The following MAN1A2 variants were observed in gnomAD, a reference collection of about 807,000 sequenced individuals.
The protein encoded by MAN1A2 is mannosidase alpha class 1A member 2.
A neutral mutation model predicts 75.7 loss-of-function variants in MAN1A2; 26 were observed. That is an observed-to-expected ratio of 0.34 (90% CI 0.25 to 0.48). The LOEUF (loss-of-function observed/expected upper bound fraction) is 0.48, where lower values mean the gene tolerates loss of function less well. MAN1A2 is among the 20% of genes least tolerant of loss of function. MAN1A2 has a pLI of 0.99. For synonymous variants in MAN1A2, 247 were observed against 264.6 expected (o/e 0.93, Z 0.65); for missense variants, 562 against 775.5 (o/e 0.72, Z 3.27).
chr1:117,383,185 TA>T (rs1239182280), intron 1 of MAN1A2, among the ~76,000 whole-genome samples: 2 of 152,170 alleles, frequency 1.3e-5, no homozygotes, highest in Admixed American at 6.5e-5. Context: ...AAATGCCCTT[TA>T]TCATGTTGAG....
chr1:117,426,801 T>C (rs1366320913), intron 5 of MAN1A2, among the ~76,000 whole-genome samples: 1 of 152,190 alleles, frequency 6.6e-6, no homozygotes, highest in African/African-American at 2.4e-5. Context: ...TGACCATCTG[T>C]ATTTTTTCTT....
chr1:117,442,481 G>A (rs1649068398), intron 6 of MAN1A2, among the ~76,000 whole-genome samples, 156 bp downstream of exon 6: 1 of 151,926 alleles, frequency 6.6e-6, no homozygotes, highest in African/African-American at 2.4e-5. Flanking sequence ...GCATAAATGT[G>A]TTTCTTTAAA....
At chr1:117,512,661 G>T (rs1444264450) in intron 12 of MAN1A2, among the ~76,000 whole-genome samples, 2 of 151,222 alleles carry the variant, frequency 1.3e-5, no homozygotes, top group Non-Finnish European at 2.9e-5. Context: ...CTTCAAATAG[G>T]TATACTGGAA....
chr1:117,474,275 C>T (rs1199525401), intron 8 of MAN1A2, among the ~76,000 whole-genome samples: 1 of 151,960 alleles, frequency 6.6e-6, no homozygotes, highest in Non-Finnish European at 1.5e-5. Flanking sequence ...ACCTACTTTT[C>T]CCATTTACAT....
At chr1:117,504,030 A>G (rs1429878142) in intron 12 of MAN1A2, among the ~76,000 whole-genome samples, 2 of 150,990 alleles carry the variant, frequency 1.3e-5, no homozygotes, top group Non-Finnish European at 3.0e-5. Flanking sequence ...CATTTCTACA[A>G]TTTACCCTAA....
intron 8 of MAN1A2, among the ~76,000 whole-genome samples, chr1:117,483,495 G>A (rs1191586273): frequency 6.6e-6 from 1 of 152,016 alleles, no homozygotes; most frequent in African/African-American, 2.4e-5. Flanking sequence ...TATTCTCTTT[G>A]TAGCAGTTGC....
chr1:117,403,492 C>A (rs1557936159), intron 2 of MAN1A2, among the ~76,000 whole-genome samples: 4 of 151,952 alleles, frequency 2.6e-5, no homozygotes, highest in African/African-American at 9.7e-5. Flanking sequence ...ATACTTTTTT[C>A]AAATACGTAA....
At chr1:117,486,027 C>G (rs531861633) in intron 8 of MAN1A2, among the ~76,000 whole-genome samples, 5 of 152,052 alleles carry the variant, frequency 3.3e-5, no homozygotes, top group Admixed American at 2.0e-4. Context: ...CTACCCAGAA[C>G]TTTATTCTTA....
At chr1:117,443,352 G>A (rs1184130135) in intron 6 of MAN1A2, among the ~76,000 whole-genome samples, 1 of 152,092 alleles carries the variant, frequency 6.6e-6, no homozygotes, top group Non-Finnish European at 1.5e-5. Flanking sequence ...TTACCTCTTT[G>A]GTGAGGAAAA....
chr1:117,508,663 G>A (rs1474607477), intron 12 of MAN1A2, among the ~76,000 whole-genome samples: 1 of 151,526 alleles, frequency 6.6e-6, no homozygotes, highest in Non-Finnish European at 1.5e-5. Flanking sequence ...TAGCTGAATG[G>A]TTAAGTAAAT....
At chr1:117,440,555 A>T (rs532423628) in intron 5 of MAN1A2, among the ~76,000 whole-genome samples, 2 of 152,080 alleles carry the variant, frequency 1.3e-5, no homozygotes, top group Non-Finnish European at 2.9e-5. Context: ...TTTATATACT[A>T]TGTAAGGGAT....
At chr1:117,462,726 A>AT (rs971214265) in intron 7 of MAN1A2, among the ~76,000 whole-genome samples, 2 of 152,148 alleles carry the variant, frequency 1.3e-5, no homozygotes, top group African/African-American at 4.8e-5. Context: ...GGAAAACGTA[A>AT]TTTTTGGAGC....
chr1:117,384,694 C>T (rs1653463238), intron 1 of MAN1A2, among the ~76,000 whole-genome samples: 1 of 152,064 alleles, frequency 6.6e-6, no homozygotes, highest in Non-Finnish European at 1.5e-5. Flanking sequence ...GTTACTTTGT[C>T]TGTTTCTCCC....
At chr1:117,378,133 A>AAAT (rs1653216758) in intron 1 of MAN1A2, among the ~76,000 whole-genome samples, 4 of 151,982 alleles carry the variant, frequency 2.6e-5, no homozygotes, top group African/African-American at 9.7e-5. Context: ...AATAAATAAA[A>AAAT]AAGTTATAAG....
Position 117,523,868 on chromosome 1 carries a change from TA to T in MAN1A2, c.*913del, listed in dbSNP as rs1651936340. On this transcript the variant is annotated 3_prime_UTR_variant, in exon 13 of 13. Coordinates refer to ENST00000356554, the MANE Select transcript of MAN1A2 (RefSeq NM_006699.5). ...TCTACCAAGTAAATTTTATTCACTT[TA>T]ATTTCATAATAAAGTTAGTAGAGTC... 1 of 151,968 alleles carries T rather than the reference TA, an allele frequency of 6.6e-6. No individual in the cohort carries two copies. Among genetic ancestry groups the T allele is most frequent in the Non-Finnish European group, 1.5e-5 (1 of 67,846 alleles). 9.4% of individuals were successfully genotyped at this position (151,968 alleles called of 1,614,324 possible). A position where few individuals can be genotyped will look rare whatever the true frequency, so the allele number is the denominator to read the frequency against.
At chr1:117,487,610 A>G (rs966152328) in intron 8 of MAN1A2, among the ~76,000 whole-genome samples, 1 of 152,130 alleles carries the variant, frequency 6.6e-6, no homozygotes. Context: ...GAGTCAAGAC[A>G]TTTTAACATA....
At position 117,375,015 on chromosome 1, in the gene MAN1A2, C is replaced by T. The variant is rs12067221; in HGVS notation, c.302+6530C>T. 7.9e-3 allele frequency among the ~76,000 whole-genome samples: 1,199 copies of T among 152,154 alleles called. 12 individuals carry two copies. The highest frequency in any genetic ancestry group is 0.027 in the African/African-American group (1,127 of 41,508). On this transcript the variant is annotated intron_variant, in intron 1 of 12. Coordinates refer to ENST00000356554, the MANE Select transcript of MAN1A2 (RefSeq NM_006699.5). ...ATGAACGAAATGACTTTTATACATT[C>T]TTGTTTCTTGTTAGTTTTAAAGTAT... is the stretch of plus-strand genomic sequence containing the variant.
At chr1:117,458,275 A>G (rs1412613211) in intron 6 of MAN1A2, among the ~76,000 whole-genome samples, 5 of 151,688 alleles carry the variant, frequency 3.3e-5, no homozygotes, top group African/African-American at 7.3e-5. Flanking sequence ...TACTATATCC[A>G]TATTTATTCT....
chr1:117,374,018 C>G (rs1653060750), intron 1 of MAN1A2, among the ~76,000 whole-genome samples: 1 of 152,030 alleles, frequency 6.6e-6, no homozygotes, highest in African/African-American at 2.4e-5. Flanking sequence ...GTTTTGTTTA[C>G]TATTGTTTGA....
Sources: gnomAD v4.1 joint callset for allele counts (sites outside exome capture counted in the v4.1 genomes callset) on GRCh38, gnomAD v4.1.1 for gene constraint, MANE v1.5 for transcripts, NCBI Gene and HGNC (gene_info 2026-07-23, HGNC 2026-07-21) for gene names.